HABP2: variants seen among roughly 807,000 people sequenced by gnomAD.
HABP2 encodes the protein factor VII-activating protease.
HABP2 carries 65 observed loss-of-function variants against 66.5 expected under a neutral mutation model. The ratio of observed to expected loss-of-function variants is 0.98; its 90% confidence interval spans 0.80 to 1.20. The LOEUF (loss-of-function observed/expected upper bound fraction) is 1.20. Among genes scored for constraint, HABP2 ranks in the 50% most tolerant of loss-of-function variants. HABP2 has a pLI of 0.00. For synonymous variants in HABP2, 263 were observed against 253.9 expected (o/e 1.04, Z -0.34); for missense variants, 786 against 691.0 (o/e 1.14, Z -1.54).
Position 113,588,266 on chromosome 10 carries a change from T to G in HABP2, c.1580T>G (p.Val527Gly). The G allele has an allele frequency of 6.2e-7, 1 of 1,613,730 alleles. No individual in the cohort carries two copies. Among genetic ancestry groups the G allele is most frequent in the Non-Finnish European group, 8.5e-7 (1 of 1,179,752 alleles). The change falls in exon 13 of 13, where the codon GTG becomes GGG. Residue 527 changes from valine (V) to glycine (G), a missense_variant. Physicochemically the swap from Val to Gly is moderately radical, Grantham distance 109. Coordinates refer to ENST00000351270, the MANE Select transcript of HABP2 (RefSeq NM_004132.5). ...KDGTYYVYGI[V>G]SWGLECGKRP... ...GGCACCTACTACGTCTATGGGATAG[T>G]GAGCTGGGGCCTGGAGTGTGGGAAG...
chr10:113,555,107 A>AAAGTCATAAC (rs1453252431), intron 1 of HABP2, among the ~76,000 whole-genome samples: 2 of 152,224 alleles, frequency 1.3e-5, no homozygotes, highest in African/African-American at 4.8e-5. Flanking sequence ...CACACAGCTA[A>AAAGTCATAAC]AAGTCATAAC....
intron 1 of HABP2, among the ~76,000 whole-genome samples, chr10:113,563,846 A>G (rs11575644): frequency 1.3e-5 from 2 of 151,748 alleles, no homozygotes; most frequent in African/African-American, 4.8e-5. Context: ...GGGAATCTCC[A>G]AAGGACTGGG....
chr10:113,555,757 G>T (rs1326767482), intron 1 of HABP2, among the ~76,000 whole-genome samples: 1 of 152,168 alleles, frequency 6.6e-6, no homozygotes, highest in Non-Finnish European at 1.5e-5. Flanking sequence ...CATTATCCCT[G>T]TTTTATGGAT....
At chr10:113,570,058 A>G (rs538958206) in intron 2 of HABP2, 2 of 152,364 alleles carry the variant, frequency 1.3e-5, no homozygotes, top group South Asian at 2.1e-4. Flanking sequence ...TTCCCAATGC[A>G]TGCTACTTCC....
intron 2 of HABP2, among the ~76,000 whole-genome samples, chr10:113,568,800 T>TG (rs1318120768): frequency 6.6e-6 from 1 of 152,058 alleles, no homozygotes; most frequent in Non-Finnish European, 1.5e-5. Flanking sequence ...TACAGGGCTG[T>TG]GGGAGCTATG....
At chr10:113,581,773 C>T (rs1343610190) in intron 8 of HABP2, 103 bp from the exon 9 acceptor site, 2 of 1,162,848 alleles carry the variant, frequency 1.7e-6, no homozygotes, top group Non-Finnish European at 2.5e-6. Context: ...CAGCTCTGGA[C>T]CCCTGCTCAG....
chr10:113,573,449 G>C (rs1175711947), intron 2 of HABP2, among the ~76,000 whole-genome samples: 1 of 152,232 alleles, frequency 6.6e-6, no homozygotes, highest in Non-Finnish European at 1.5e-5. Context: ...AAGGGTAAGT[G>C]TGGGAGTACC....
chr10:113,566,805 G>A (rs1565099273), intron 1 of HABP2, among the ~76,000 whole-genome samples: 1 of 152,196 alleles, frequency 6.6e-6, no homozygotes, highest in Non-Finnish European at 1.5e-5. Flanking sequence ...AATTGCCAAG[G>A]CCCTGAGGTG....
At chr10:113,587,248 C>G (rs935724719) in intron 12 of HABP2, among the ~76,000 whole-genome samples, 9 of 152,106 alleles carry the variant, frequency 5.9e-5, no homozygotes, top group Admixed American at 3.9e-4. Context: ...ACGTGGGAAA[C>G]GGAGGTTGCA....
chr10:113,572,543 C>T (rs1845332426), intron 2 of HABP2: 2 of 286,864 alleles, frequency 7.0e-6, no homozygotes, highest in Non-Finnish European at 6.9e-6. Flanking sequence ...ATGCAATCAG[C>T]TCCTTATCAA....
chr10:113,577,380 G>T, intron 5 of HABP2, 114 bp downstream of exon 5: 1 of 696,974 alleles, frequency 1.4e-6, no homozygotes, highest in Non-Finnish European at 2.6e-6. Context: ...CACCCAAGAT[G>T]GTCCTTTTCC....
intron 2 of HABP2, chr10:113,570,029 A>C (rs1845276764): frequency 6.6e-6 from 1 of 152,246 alleles, no homozygotes; most frequent in Non-Finnish European, 1.5e-5. Flanking sequence ...AGGGACCTGG[A>C]GCATGTGCTT....
chr10:113,553,526 A>C (rs1283453597), intron 1 of HABP2, among the ~76,000 whole-genome samples: 2 of 152,182 alleles, frequency 1.3e-5, no homozygotes, highest in African/African-American at 4.8e-5. Context: ...GAAAGCTATA[A>C]ACTCTCTCCC....
chr10:113,552,041 G>C (rs973170541), upstream of HABP2, among the ~76,000 whole-genome samples: 1 of 152,104 alleles, frequency 6.6e-6, no homozygotes, highest in Non-Finnish European at 1.5e-5. Flanking sequence ...CTGGTGACTG[G>C]GGCATTCTTT....
rs1476171939 is a variant in HABP2 at position 113,589,297 on chromosome 10, T to C, written c.*928T>C. 1 of 583,984 alleles carries C rather than the reference T, an allele frequency of 1.7e-6. No homozygotes were observed. The highest frequency in any genetic ancestry group is 1.9e-5 in the African/African-American group (1 of 53,780). 36.2% of individuals were successfully genotyped at this position (583,984 alleles called of 1,614,324 possible). A position where few individuals can be genotyped will look rare whatever the true frequency, so the allele number is the denominator to read the frequency against. The stretch of plus-strand genomic sequence containing the variant: ...TCATTTAGACCTGGCTTCTTTCTTC[T>C]GAACAAAGTAGGGTTCAAAATGCAG... On this transcript the variant is annotated 3_prime_UTR_variant, in exon 13 of 13. Coordinates refer to ENST00000351270, the MANE Select transcript of HABP2 (RefSeq NM_004132.5).
chr10:113,575,931 G>A lies in HABP2; in HGVS notation c.258G>A (p.Gly86=), dbSNP rs748231275. The A allele has an allele frequency of 1.2e-6, 2 of 1,611,450 alleles. No homozygotes were observed. The highest frequency in any genetic ancestry group is 1.7e-5 in the Admixed American group (1 of 59,974). ...AGCCCAACCCCTGTGAACACGGTGG[G>A]GACTGCCTCGTCCATGGGAGCACCT... is the stretch of plus-strand genomic sequence containing the variant. ...PCQPNPCEHG[G]DCLVHGSTFT... is the part of the protein sequence containing the mutation. The change falls in exon 4 of 13, where the codon GGG becomes GGA. Residue 86 remains glycine, a synonymous_variant. Coordinates refer to ENST00000351270, the MANE Select transcript of HABP2 (RefSeq NM_004132.5).
At position 113,574,301 on chromosome 10, in the gene HABP2, A is replaced by G; in HGVS notation, c.119A>G (p.Asp40Gly). ...LESLDPDWTP[D>G]QYDYSYEDYN... Reference sequence around the variant, plus strand: ...ACCATCCCTGCAGACTGGACCCCTGACCAGTATGATTACAGCTACGAGGAT... The same window carrying G: ...ACCATCCCTGCAGACTGGACCCCTGGCCAGTATGATTACAGCTACGAGGAT... The change falls in exon 3 of 13, where the codon GAC becomes GGC. Residue 40 changes from aspartate (D) to glycine (G), a missense_variant. Asp to Gly is a moderately conservative substitution (Grantham distance 94, BLOSUM62 -1). Transcript: ENST00000351270. The G allele has an allele frequency of 6.4e-7, 1 of 1,572,078 alleles. No individual in the cohort carries two copies. Among genetic ancestry groups the G allele is most frequent in the Non-Finnish European group, 8.8e-7 (1 of 1,141,432 alleles).
At chr10:113,577,547 G>T (rs1227591417) in intron 5 of HABP2, among the ~76,000 whole-genome samples, 1 of 152,230 alleles carries the variant, frequency 6.6e-6, no homozygotes, top group Non-Finnish European at 1.5e-5. Flanking sequence ...GTAGGGGAAT[G>T]AATACATATC....
intron 1 of HABP2, among the ~76,000 whole-genome samples, chr10:113,562,458 T>C (rs1487004177): frequency 1.3e-5 from 2 of 151,552 alleles, no homozygotes; most frequent in African/African-American, 4.9e-5. Context: ...TTTTTTTTTT[T>C]TTTTAAGACA....
Sources: allele counts gnomAD v4.1 joint callset (sites outside exome capture counted in the v4.1 genomes callset), GRCh38; gene constraint gnomAD v4.1.1; transcripts MANE v1.5; gene names NCBI Gene and HGNC (gene_info 2026-07-23, HGNC 2026-07-21).